Variants in HMGCLL1 observed in about 807,000 individuals in gnomAD.
The protein encoded by HMGCLL1 is 3-hydroxy-3-methylglutaryl-CoA lyase like 1.
A neutral mutation model predicts 39.1 loss-of-function variants in HMGCLL1; 36 were observed. The ratio of observed to expected loss-of-function variants is 0.92; its 90% CI spans 0.71 to 1.22. The LOEUF is 1.22. Ranked by LOEUF, HMGCLL1 falls within the 50% of genes most tolerant of loss-of-function variation. The pLI is 0.00. For missense variants in HMGCLL1, 451 were observed against 416.5 expected (o/e 1.08, Z -0.72); for synonymous variants, 149 against 144.0 (o/e 1.03, Z -0.25).
At chr6:55,634,131 T>C in the HMGCLL1 span, among the ~76,000 whole-genome samples, 6 of 152,082 alleles carry the variant, frequency 3.9e-5, no homozygotes, top group Admixed American at 6.6e-5. Flanking sequence ...AATATTAATA[T>C]GTAAAGTTAA....
intron 7 of HMGCLL1, among the ~76,000 whole-genome samples, chr6:55,441,435 T>C (rs763725958): frequency 3.9e-5 from 6 of 152,134 alleles, no homozygotes; most frequent in Non-Finnish European, 7.4e-5. Flanking sequence ...TTTGGCTTCT[T>C]TGTCAGATCT....
chr6:55,519,230 G>C (rs1213891430), intron 3 of HMGCLL1, among the ~76,000 whole-genome samples: 1 of 152,044 alleles, frequency 6.6e-6, no homozygotes, highest in Non-Finnish European at 1.5e-5. Flanking sequence ...TTTAGGGGAG[G>C]TGCAAAGGAT....
intron 5 of HMGCLL1, among the ~76,000 whole-genome samples, chr6:55,500,648 A>T (rs1766833914): frequency 6.6e-6 from 1 of 151,994 alleles, no homozygotes; most frequent in Non-Finnish European, 1.5e-5. Flanking sequence ...AAAATTGGAA[A>T]GTTATGCCAG....
chr6:55,662,058 A>T, the HMGCLL1 span, among the ~76,000 whole-genome samples: 2 of 151,884 alleles, frequency 1.3e-5, no homozygotes, highest in African/African-American at 4.8e-5. Context: ...ACTTTGCTGA[A>T]GTTGTTTATC....
intron 7 of HMGCLL1, among the ~76,000 whole-genome samples, chr6:55,452,583 G>A (rs1764145428): frequency 6.6e-6 from 1 of 152,004 alleles, no homozygotes; most frequent in Non-Finnish European, 1.5e-5. Context: ...TTTTAATTGA[G>A]GAAACTGAGG....
At chr6:55,608,949 C>A in the HMGCLL1 span, among the ~76,000 whole-genome samples, 2 of 152,286 alleles carry the variant, frequency 1.3e-5, no homozygotes, top group East Asian at 1.9e-4. Flanking sequence ...CAAGGTGGTG[C>A]GTGAGCCACA....
In HMGCLL1 at chr6:55,534,879, T is replaced by C. The variant is rs1226026982; in HGVS notation, c.297+6850A>G. Among the ~76,000 whole-genome samples the C allele has an allele frequency of 3.9e-5, 6 of 152,242 alleles. 1 individual carries two copies. In the East Asian group the frequency reaches 7.7e-4, roughly 19 times the overall value. ...TGTAGCAATTACATATATTTGAATA[T>C]ATACATTTGCACAAACACATAAAAT... is the stretch of plus-strand genomic sequence containing the variant. On this transcript the variant is annotated intron_variant, in intron 3 of 8. Coordinates refer to ENST00000274901, the MANE Select transcript of HMGCLL1 (RefSeq NM_001042406.2).
intron 7 of HMGCLL1, among the ~76,000 whole-genome samples, chr6:55,471,676 T>A (rs1038729791): frequency 2.6e-5 from 4 of 151,372 alleles, no homozygotes; most frequent in African/African-American, 9.7e-5. Context: ...ATTTTTATAT[T>A]TTTTTCTTTT....
At chr6:55,676,094 C>T in the HMGCLL1 span, among the ~76,000 whole-genome samples, 1 of 152,092 alleles carries the variant, frequency 6.6e-6, no homozygotes, top group Non-Finnish European at 1.5e-5. Flanking sequence ...TTTGAGAAAG[C>T]ACACTACATA....
the HMGCLL1 span, among the ~76,000 whole-genome samples, chr6:55,592,319 T>C: frequency 6.6e-6 from 1 of 152,086 alleles, no homozygotes. Flanking sequence ...TGCATAGTTA[T>C]AAGTTCATGA....
intron 7 of HMGCLL1, among the ~76,000 whole-genome samples, chr6:55,460,345 T>G (rs1764503008): frequency 6.6e-6 from 1 of 151,962 alleles, no homozygotes; most frequent in Non-Finnish European, 1.5e-5. Context: ...GGTGTTTAGC[T>G]CTAAACCAAA....
intron 1 of HMGCLL1, among the ~76,000 whole-genome samples, chr6:55,576,563 T>C (rs1030095779): frequency 2.6e-5 from 4 of 152,238 alleles, no homozygotes; most frequent in Admixed American, 6.5e-5. Flanking sequence ...ATTAGCTATA[T>C]AGGCATTGGG....
the HMGCLL1 span, among the ~76,000 whole-genome samples, chr6:55,596,631 T>A: frequency 6.6e-6 from 1 of 152,180 alleles, no homozygotes; most frequent in South Asian, 2.1e-4. Context: ...AGTGGTTAGA[T>A]AATAAAAACA....
At chr6:55,489,766 TTTAA>T (rs924843394) in intron 7 of HMGCLL1, among the ~76,000 whole-genome samples, 2 of 152,084 alleles carry the variant, frequency 1.3e-5, no homozygotes, top group African/African-American at 4.8e-5. Context: ...ATCACACTAA[TTTAA>T]TTAAAATTGC....
At chr6:55,600,358 A>C in the HMGCLL1 span, among the ~76,000 whole-genome samples, 1 of 152,158 alleles carries the variant, frequency 6.6e-6, no homozygotes, top group Non-Finnish European at 1.5e-5. Flanking sequence ...ATATCAATTT[A>C]GGTGTGAGAG....
chr6:55,584,080 T>C (rs1185074547), upstream of HMGCLL1, among the ~76,000 whole-genome samples: 1 of 152,132 alleles, frequency 6.6e-6, no homozygotes, highest in Non-Finnish European at 1.5e-5. Context: ...AGACCTCAGA[T>C]CCTGACTAGC....
chr6:55,522,897 T>A (rs1359526665), intron 3 of HMGCLL1, among the ~76,000 whole-genome samples: 1 of 151,990 alleles, frequency 6.6e-6, no homozygotes, highest in Non-Finnish European at 1.5e-5. Context: ...ATTAAAAGTT[T>A]AAGTTAGCAC....
chr6:55,584,187 A>G (rs1165440809), upstream of HMGCLL1, among the ~76,000 whole-genome samples: 3 of 152,146 alleles, frequency 2.0e-5, no homozygotes, highest in Non-Finnish European at 4.4e-5. Context: ...AATCTCCACG[A>G]TAAGCTCCAT....
chr6:55,620,172 G>A, the HMGCLL1 span, among the ~76,000 whole-genome samples: 1 of 152,118 alleles, frequency 6.6e-6, no homozygotes, highest in East Asian at 1.9e-4. Context: ...TCCCATGTTT[G>A]ATACACTGAT....
Sources: gnomAD v4.1 joint callset for allele counts (sites outside exome capture counted in the v4.1 genomes callset) on GRCh38, gnomAD v4.1.1 for gene constraint, MANE v1.5 for transcripts, NCBI Gene and HGNC (gene_info 2026-07-23, HGNC 2026-07-21) for gene names.